The following MAGI2 variants were observed in gnomAD, a reference collection of about 807,000 sequenced individuals.
The protein encoded by MAGI2 is membrane associated guanylate kinase, WW and PDZ domain containing 2.
In MAGI2, 35 loss-of-function variants were observed where a neutral mutation model predicts 133.3. The ratio of observed to expected loss-of-function variants is 0.26; its 90% CI spans 0.20 to 0.35. The LOEUF is 0.35. Among genes scored for constraint, MAGI2 ranks in the 10% least tolerant of loss-of-function variants. MAGI2 has a pLI of 1.00. For synonymous variants in MAGI2, 729 were observed against 710.6 expected, an observed-to-expected ratio of 1.03 and a Z score of -0.41; for missense variants, 1,636 against 1,863.4, an observed-to-expected ratio of 0.88 and a Z score of 2.25.
chr7:78,168,920 C>T (rs1377208630), intron 14 of MAGI2, among the ~76,000 whole-genome samples: 1 of 152,192 alleles, frequency 6.6e-6, no homozygotes, highest in Non-Finnish European at 1.5e-5. Flanking sequence ...AAATCTCAAA[C>T]CTTCTCCAGA....
At chr7:78,570,442 G>C (rs1008250519) in intron 3 of MAGI2, among the ~76,000 whole-genome samples, 2 of 152,086 alleles carry the variant, frequency 1.3e-5, no homozygotes, top group Non-Finnish European at 1.5e-5. Context: ...GAAGAGAAGA[G>C]AGAAAGTAAG....
intron 2 of MAGI2, among the ~76,000 whole-genome samples, chr7:78,735,233 A>G (rs953835408): frequency 3.2e-4 from 49 of 152,220 alleles, no homozygotes; most frequent in African/African-American, 8.9e-4. Flanking sequence ...AGAAGACCTT[A>G]TATTTCTTTG....
intron 3 of MAGI2, among the ~76,000 whole-genome samples, chr7:78,604,481 G>C (rs2150889966): frequency 6.6e-6 from 1 of 152,230 alleles, no homozygotes; most frequent in East Asian, 1.9e-4. Flanking sequence ...TCCCGTCCCA[G>C]ACAAATGTTC....
At chr7:78,941,645 T>G (rs1800983248) in intron 2 of MAGI2, among the ~76,000 whole-genome samples, 1 of 152,046 alleles carries the variant, frequency 6.6e-6, no homozygotes, top group African/African-American at 2.4e-5. Flanking sequence ...TGATAATTTC[T>G]AATCTTTTAG....
intron 6 of MAGI2, among the ~76,000 whole-genome samples, chr7:78,469,978 T>C (rs1441459098): frequency 1.3e-5 from 2 of 152,154 alleles, no homozygotes; most frequent in Admixed American, 1.3e-4. Flanking sequence ...ATATATAAAA[T>C]GTGGCTTCGC....
chr7:78,787,104 G>T (rs1022568349), intron 2 of MAGI2, among the ~76,000 whole-genome samples: 6 of 151,930 alleles, frequency 3.9e-5, no homozygotes, highest in African/African-American at 7.2e-5. Flanking sequence ...TGCACCACCA[G>T]GCCCAGCTAA....
intron 7 of MAGI2, among the ~76,000 whole-genome samples, chr7:78,362,139 T>C (rs1240762262): frequency 6.6e-6 from 1 of 151,972 alleles, no homozygotes; most frequent in Non-Finnish European, 1.5e-5. Flanking sequence ...CCACCTCTAC[T>C]AAAAATACAA....
intron 2 of MAGI2, among the ~76,000 whole-genome samples, chr7:78,888,416 T>G (rs1796446974): frequency 6.6e-6 from 1 of 152,190 alleles, no homozygotes; most frequent in African/African-American, 2.4e-5. Context: ...GATCTGAGAA[T>G]GGACAGACTG....
At chr7:78,344,742 A>G (rs1186175092) in intron 8 of MAGI2, among the ~76,000 whole-genome samples, 1 of 152,234 alleles carries the variant, frequency 6.6e-6, no homozygotes, top group Non-Finnish European at 1.5e-5. Flanking sequence ...ATATGTTGAT[A>G]GATTCAAATC....
At chr7:79,330,516 C>T (rs1422870771) in intron 1 of MAGI2, among the ~76,000 whole-genome samples, 2 of 152,038 alleles carry the variant, frequency 1.3e-5, no homozygotes, top group South Asian at 4.1e-4. Context: ...CATCTTATTC[C>T]TCCTTAAAAG....
At chr7:79,148,874 T>C (rs1439880048) in intron 1 of MAGI2, among the ~76,000 whole-genome samples, 1 of 146,950 alleles carries the variant, frequency 6.8e-6, no homozygotes, top group Non-Finnish European at 1.5e-5. Flanking sequence ...ATGTTTTATA[T>C]ACATATATAT....
chr7:78,327,258 C>G lies in MAGI2; in HGVS notation c.1408+16520G>C, dbSNP rs534935182. Among the ~76,000 whole-genome samples the G allele has an allele frequency of 7.2e-5, 11 of 152,316 alleles. No individual in the cohort carries two copies. The East Asian group carries it at 2.1e-3, about 29-fold the overall frequency. ...CTTCAACCATAGAAATCTCACATAG[C>G]AACCTCATGCCAAATACTGAGTTGC... On this transcript the variant is annotated intron_variant, in intron 9 of 21. Coordinates refer to ENST00000354212, the MANE Select transcript of MAGI2 (RefSeq NM_012301.4).
intron 1 of MAGI2, among the ~76,000 whole-genome samples, chr7:79,057,319 A>G (rs1243956155): frequency 2.6e-5 from 4 of 152,202 alleles, no homozygotes; most frequent in Admixed American, 2.6e-4. Flanking sequence ...TTTTTAAAAC[A>G]CTGACCAAGG....
At chr7:78,623,830 C>G (rs1808011963) in intron 3 of MAGI2, among the ~76,000 whole-genome samples, 2 of 152,014 alleles carry the variant, frequency 1.3e-5, no homozygotes, top group Admixed American at 6.6e-5. Flanking sequence ...CATGGTGGTC[C>G]CATAAAGTTG....
At chr7:78,682,827 T>A (rs73145166) in intron 2 of MAGI2, among the ~76,000 whole-genome samples, 8,597 of 152,236 alleles carry the variant, frequency 0.056, 335 homozygotes, top group East Asian at 0.14. Context: ...GATGAACTCT[T>A]AAGGGTAACT....
At chr7:79,409,565 T>C (rs1846021686) in intron 1 of MAGI2, among the ~76,000 whole-genome samples, 1 of 152,126 alleles carries the variant, frequency 6.6e-6, no homozygotes, top group Non-Finnish European at 1.5e-5. Context: ...AAACCAAAGA[T>C]TGCTATACGT....
At chr7:79,407,925 A>C (rs1404796863) in intron 1 of MAGI2, among the ~76,000 whole-genome samples, 2 of 152,132 alleles carry the variant, frequency 1.3e-5, no homozygotes, top group Non-Finnish European at 2.9e-5. Flanking sequence ...CTTTAAATTC[A>C]TATGTGCCAC....
intron 2 of MAGI2, among the ~76,000 whole-genome samples, chr7:78,938,959 A>G (rs1800760128): frequency 6.6e-6 from 1 of 152,152 alleles, no homozygotes; most frequent in Admixed American, 6.6e-5. Flanking sequence ...CCATTCATGT[A>G]TGCAAAACAT....
At chr7:78,293,223 TAAACAAATTTACAAGAAAAAATC>T (rs1796899646) in intron 9 of MAGI2, among the ~76,000 whole-genome samples, 1 of 151,946 alleles carries the variant, frequency 6.6e-6, no homozygotes, top group Non-Finnish European at 1.5e-5. Context: ...ACAAAGAACT[TAAACAAATTTACAAGAAAAAATC>T]AAACCACCCC....
Sources: gnomAD v4.1 joint callset for allele counts (sites outside exome capture counted in the v4.1 genomes callset) on GRCh38, gnomAD v4.1.1 for gene constraint, MANE v1.5 for transcripts, NCBI Gene and HGNC (gene_info 2026-07-23, HGNC 2026-07-21) for gene names.